SLC25A21: variants seen among roughly 807,000 people sequenced by gnomAD.
The protein encoded by SLC25A21 is mitochondrial 2-oxodicarboxylate carrier.
In SLC25A21, 47 loss-of-function variants were observed where a neutral mutation model predicts 43.8. The ratio of observed to expected loss-of-function variants is 1.07; its 90% confidence interval spans 0.85 to 1.37. The LOEUF (loss-of-function observed/expected upper bound fraction) is 1.37. Among genes scored for constraint, SLC25A21 ranks in the 40% most tolerant of loss-of-function variants. SLC25A21 has a pLI of 0.00. For missense variants in SLC25A21, 352 were observed against 350.2 expected (o/e 1.00, Z -0.04); for synonymous variants, 131 against 121.3 (o/e 1.08, Z -0.52).
chr14:37,128,465 A>G (rs1246540962), intron 1 of SLC25A21, among the ~76,000 whole-genome samples: 6 of 152,086 alleles, frequency 3.9e-5, no homozygotes, highest in African/African-American at 1.4e-4. Flanking sequence ...TTTCAACTCT[A>G]AAGTAAATAC....
chr14:36,810,962 T>TAATTCAGCATATGATAGAGAAAAGAGGGA (rs1888239591), intron 3 of SLC25A21, among the ~76,000 whole-genome samples: 4 of 37,018 alleles, frequency 1.1e-4, no homozygotes, highest in Admixed American at 3.6e-4. Flanking sequence ...GAAAAGAGGG[T>TAATTCAGCATATGATAGAGAAAAGAGGGA]CAGGGAGGGT....
intron 3 of SLC25A21, among the ~76,000 whole-genome samples, chr14:36,774,221 G>A (rs1490811384): frequency 6.6e-6 from 1 of 152,210 alleles, no homozygotes; most frequent in African/African-American, 2.4e-5. Flanking sequence ...TTTAGCAAGT[G>A]TTTTATATAT....
At chr14:37,160,658 G>A (rs937398505) in intron 1 of SLC25A21, among the ~76,000 whole-genome samples, 25 of 152,020 alleles carry the variant, frequency 1.6e-4, no homozygotes, top group African/African-American at 5.5e-4. Flanking sequence ...GGCCAGGTGC[G>A]GTGGCTCACG....
At chr14:36,725,480 T>TAAAC (rs1884559794) in intron 6 of SLC25A21, 90 bp downstream of exon 6, 1 of 63,246 alleles carries the variant, frequency 1.6e-5, no homozygotes, top group African/African-American at 1.1e-4. Context: ...TGTCCCAAAA[T>TAAAC]AAATAAATAA....
chr14:37,054,606 G>A (rs1351615059), intron 1 of SLC25A21, among the ~76,000 whole-genome samples: 1 of 152,146 alleles, frequency 6.6e-6, no homozygotes, highest in Non-Finnish European at 1.5e-5. Context: ...GCTCTCAGGA[G>A]ACTTGGTGAG....
chr14:36,853,769 T>A (rs985482374), intron 2 of SLC25A21, among the ~76,000 whole-genome samples: 2 of 152,210 alleles, frequency 1.3e-5, no homozygotes, highest in Non-Finnish European at 2.9e-5. Context: ...CCTGGGACTT[T>A]CATCAGCCAA....
intron 6 of SLC25A21, among the ~76,000 whole-genome samples, chr14:36,724,176 G>A (rs1406910935): frequency 6.6e-6 from 1 of 152,142 alleles, no homozygotes; most frequent in African/African-American, 2.4e-5. Flanking sequence ...TTTATAAGAT[G>A]CTATATATTA....
chr14:37,009,241 A>C (rs1594750269), intron 1 of SLC25A21, among the ~76,000 whole-genome samples: 5 of 152,306 alleles, frequency 3.3e-5, no homozygotes, highest in Admixed American at 3.3e-4. Flanking sequence ...TAATCCCAGC[A>C]CTTTGGGAGG....
chr14:37,084,645 T>C (rs538058753), intron 1 of SLC25A21, among the ~76,000 whole-genome samples: 1 of 152,314 alleles, frequency 6.6e-6, no homozygotes, highest in Admixed American at 6.5e-5. Flanking sequence ...ATATAGTCGG[T>C]CCCCAACAGA....
chr14:37,158,098 CCAA>C (rs1416655425), intron 1 of SLC25A21, among the ~76,000 whole-genome samples: 1 of 151,900 alleles, frequency 6.6e-6, no homozygotes, highest in African/African-American at 2.4e-5. Flanking sequence ...TAAAAGTCTC[CCAA>C]CAACAACGAC....
intron 3 of SLC25A21, among the ~76,000 whole-genome samples, chr14:36,780,809 T>C (rs562890939): frequency 3.9e-5 from 6 of 152,254 alleles, no homozygotes; most frequent in Admixed American, 2.6e-4. Context: ...TGCTGTTTGA[T>C]AGAATGTTCT....
intron 6 of SLC25A21, among the ~76,000 whole-genome samples, chr14:36,720,931 A>C (rs968752593): frequency 2.0e-5 from 3 of 152,248 alleles, no homozygotes; most frequent in Non-Finnish European, 4.4e-5. Context: ...AATGGATGGC[A>C]GTGGCATCTG....
chr14:36,711,388 C>A lies in SLC25A21; in HGVS notation c.533G>T (p.Arg178Leu). 2 of 1,614,102 alleles carry A rather than the reference C, an allele frequency of 1.2e-6. No homozygotes were observed. Among genetic ancestry groups the A allele is most frequent in the South Asian group, 1.1e-5 (1 of 91,078 alleles). Reference protein sequence around the residue: ...LNKGLTATLGRHGVFNMVYFG... With the variant: ...LNKGLTATLGLHGVFNMVYFG... ...ATAAACCATGTTGAAAACTCCATGT[C>A]GTCCCAAAGTTGCAGTTAATCCTTT... Residue 178 changes from arginine (R) to leucine (L), a missense_variant, in exon 7 of 10, where the codon CGA becomes CTA. Transcript: ENST00000331299.
chr14:37,100,590 G>C (rs1035265909), intron 1 of SLC25A21, among the ~76,000 whole-genome samples: 3 of 152,192 alleles, frequency 2.0e-5, no homozygotes, highest in African/African-American at 4.8e-5. Context: ...CTAGGCACTA[G>C]GAACACGGCA....
intron 9 of SLC25A21, among the ~76,000 whole-genome samples, chr14:36,681,213 A>C (rs10162353): frequency 0.3 from 45,510 of 152,144 alleles, 7,420 homozygotes; most frequent in South Asian, 0.41. Context: ...GCTACGTGGA[A>C]ATTAGATTCT....
At chr14:36,717,507 A>G (rs1364380361) in intron 6 of SLC25A21, among the ~76,000 whole-genome samples, 2 of 152,218 alleles carry the variant, frequency 1.3e-5, no homozygotes, top group African/African-American at 4.8e-5. Context: ...ATTGCTATTC[A>G]ATAGCCAGCC....
intron 1 of SLC25A21, among the ~76,000 whole-genome samples, chr14:37,042,673 A>G (rs1961500088): frequency 6.6e-6 from 1 of 152,246 alleles, no homozygotes; most frequent in African/African-American, 2.4e-5. Flanking sequence ...CTCTTCAGTG[A>G]ACTTCTAAAA....
intron 1 of SLC25A21, among the ~76,000 whole-genome samples, chr14:36,943,410 T>G (rs1892612294): frequency 6.6e-6 from 1 of 152,194 alleles, no homozygotes; most frequent in African/African-American, 2.4e-5. Flanking sequence ...CAGGCTGGTC[T>G]TGAGCTCCTG....
chr14:37,015,619 T>C (rs1342893805), intron 1 of SLC25A21, among the ~76,000 whole-genome samples: 1 of 151,540 alleles, frequency 6.6e-6, no homozygotes, highest in Non-Finnish European at 1.5e-5. Context: ...ATCGCCACAC[T>C]GACTTCCACA....
Sources: gnomAD v4.1 joint callset for allele counts (sites outside exome capture counted in the v4.1 genomes callset) on GRCh38, gnomAD v4.1.1 for gene constraint, MANE v1.5 for transcripts, NCBI Gene and HGNC (gene_info 2026-07-23, HGNC 2026-07-21) for gene names.